CHRNA4: variants seen among roughly 807,000 people sequenced by gnomAD.
The protein encoded by CHRNA4 is cholinergic receptor nicotinic alpha 4 subunit, also known as neuronal acetylcholine receptor subunit alpha-4.
A neutral mutation model predicts 48.9 loss-of-function variants in CHRNA4; 28 were observed. That is an observed-to-expected ratio of 0.57 (90% CI 0.42 to 0.79). The LOEUF is 0.79. CHRNA4 is among the 30% of genes least tolerant of loss of function. The probability of loss-of-function intolerance (pLI) is 0.00; values close to 1 mark genes in which losing one functional copy is unlikely to be tolerated. For synonymous variants in CHRNA4, 425 were observed against 402.3 expected (o/e 1.06, Z -0.68); for missense variants, 859 against 898.4 (o/e 0.96, Z 0.56).
At chr20:63,358,943 C>T (rs1406821200) in intron 2 of CHRNA4, among the ~76,000 whole-genome samples, 1 of 64 alleles carries the variant, frequency 0.016, no homozygotes, top group African/African-American at 0.071. Flanking sequence ...CTCCTGGTTC[C>T]TATCCTGCCT....
chr20:63,352,240 TC>T (rs1179539207), intron 4 of CHRNA4, among the ~76,000 whole-genome samples: 1 of 152,128 alleles, frequency 6.6e-6, no homozygotes, highest in East Asian at 1.9e-4. Flanking sequence ...TCCCTGAGCT[TC>T]CTCTGTGCCT....
At chr20:63,348,698 G>A (rs963540726) in intron 5 of CHRNA4, among the ~76,000 whole-genome samples, 28 of 152,322 alleles carry the variant, frequency 1.8e-4, no homozygotes, top group Admixed American at 4.6e-4. Context: ...CGCTGTGGAC[G>A]TCATGGGCTG....
In CHRNA4 at chr20:63,359,779, C is replaced by T. The variant is rs1031179995; in HGVS notation, c.77-80G>A. ...CTGTCCAGGAGCTCTCCAGGCTGCC[C>T]CAGCCCCCTGCCCAGCACGTCCACT... On this transcript the variant is annotated intron_variant, in intron 1 of 5. Coordinates refer to ENST00000370263, the MANE Select transcript of CHRNA4 (RefSeq NM_000744.7). 128 of 1,537,726 alleles carry T rather than the reference C, an allele frequency of 8.3e-5. No individual in the cohort carries two copies. The Middle Eastern group carries it at 1.4e-3, about 17-fold the overall frequency.
At chr20:63,360,084 C>T (rs1302251483) in intron 1 of CHRNA4, 3 of 311,426 alleles carry the variant, frequency 9.6e-6, no homozygotes, top group Non-Finnish European at 1.9e-5. Context: ...GCGGATGGGC[C>T]GAGGACTGCT....
chr20:63,346,762 C>T lies in CHRNA4; in HGVS notation c.1860G>A (p.Pro620=), dbSNP rs202203317. 1.8e-5 allele frequency: 29 copies of T among 1,611,158 alleles called. No individual in the cohort carries two copies. The highest frequency in any genetic ancestry group is 4.0e-5 in the African/African-American group (3 of 75,022). The change falls in exon 6 of 6, where the codon CCG becomes CCA. Residue 620 remains proline, a synonymous_variant. Coordinates refer to ENST00000370263, the MANE Select transcript of CHRNA4 (RefSeq NM_000744.7). ...CLLGTVGLFL[P]PWLAGMI The stretch of plus-strand genomic sequence containing the variant: ...CCTAGATCATGCCAGCCAGCCAGGG[C>T]GGCAGGAAGAGGCCCACCGTCCCCA...
At position 63,346,173 on chromosome 20, in the gene CHRNA4, T is replaced by A. The variant is rs924685971; in HGVS notation, c.*565A>T. The A allele has an allele frequency of 4.4e-6, 2 of 454,084 alleles. No homozygotes were observed. Among genetic ancestry groups the A allele is most frequent in the Middle Eastern group, 1.4e-3 (2 of 1,466 alleles). 28.1% of individuals were successfully genotyped at this position (454,084 alleles called of 1,614,324 possible). On this transcript the variant is annotated 3_prime_UTR_variant, in exon 6 of 6. Coordinates refer to ENST00000370263, the MANE Select transcript of CHRNA4 (RefSeq NM_000744.7). ...AACACAACCAAACACAATCCCTGCC[T>A]GGACCCTCTCCTAGCGAAGCAGATT...
Position 63,346,916 on chromosome 20 carries a change from A to T in CHRNA4, c.1759-53T>A, listed in dbSNP as rs1041070823. On this transcript the variant is annotated intron_variant, in intron 5 of 5. Coordinates refer to ENST00000370263, the MANE Select transcript of CHRNA4 (RefSeq NM_000744.7). ...CACGGCCCGGCCGCCGCCAGCGGGG[A>T]CAGCCCTCAGGACCCCGGCGCCGCC... 1.6e-5 allele frequency: 25 copies of T among 1,609,616 alleles called. No individual in the cohort carries two copies. The African/African-American group carries it at 3.2e-4, about 21-fold the overall frequency.
chr20:63,359,912 TGTGTGTGTG>T, intron 1 of CHRNA4: 1 of 519,048 alleles, frequency 1.9e-6, no homozygotes. Context: ...TGTGTGTGTG[TGTGTGTGTG>T]TGTGTGTGCC....
Position 63,357,986 on chromosome 20 carries a change from G to C in CHRNA4, c.228+1562C>G, listed in dbSNP as rs45563841. Among the ~76,000 whole-genome samples the C allele has an allele frequency of 2.0e-5, 3 of 152,296 alleles. No homozygotes were observed. The East Asian group carries it at 5.8e-4, about 29-fold the overall frequency. On this transcript the variant is annotated intron_variant, in intron 2 of 5. Coordinates refer to ENST00000370263, the MANE Select transcript of CHRNA4 (RefSeq NM_000744.7). Reference sequence around the variant, plus strand: ...GAGAAGCTCAGGTAGGCAGCCAGGTGGGGGGTGGCAGACCCAGAGCCTTGG... The same window carrying C: ...GAGAAGCTCAGGTAGGCAGCCAGGTCGGGGGTGGCAGACCCAGAGCCTTGG...
intron 1 of CHRNA4, among the ~76,000 whole-genome samples, chr20:63,360,682 G>A (rs1301563200): frequency 1.3e-5 from 2 of 152,202 alleles, no homozygotes; most frequent in Admixed American, 1.3e-4. Context: ...GGTGGCGGCC[G>A]CCAAGGGCAG....
chr20:63,359,379 G>T lies in CHRNA4; in HGVS notation c.228+169C>A, dbSNP rs45539234. 18,012 of 830,180 alleles carry T rather than the reference G, an allele frequency of 0.022. 269 individuals carry two copies. Among genetic ancestry groups the T allele is most frequent in the Non-Finnish European group, 0.026 (13,596 of 514,110 alleles). The allele number at this position is 830,180 out of a possible 1,614,324, so 51.4% of individuals were successfully genotyped here. A position where few individuals can be genotyped will look rare whatever the true frequency, so the allele number is the denominator to read the frequency against. On this transcript the variant is annotated intron_variant, in intron 2 of 5. Coordinates refer to ENST00000370263, the MANE Select transcript of CHRNA4 (RefSeq NM_000744.7). ...ACGCTCTGAATCAACCCTTGGCTGG[G>T]GCTCAGGCGGGGCAGAGCTGGTGGC...
chr20:63,346,911 C>A (rs762379814), intron 5 of CHRNA4, 48 bp from the exon 6 acceptor site: 1 of 1,609,930 alleles, frequency 6.2e-7, no homozygotes, highest in East Asian at 2.2e-5. Context: ...CCGCCGCCAG[C>A]GGGGACAGCC....
At position 63,349,741 on chromosome 20, in the gene CHRNA4, T is replaced by C; in HGVS notation, c.1670A>G (p.His557Arg). 6.2e-7 allele frequency: 1 copy of C among 1,612,444 alleles called. No homozygotes were observed. Among genetic ancestry groups the C allele is most frequent in the Non-Finnish European group, 8.5e-7 (1 of 1,179,706 alleles). ...GGTCAGGGCCGGCGACAGGGGCAGG[T>C]GCGGGGGCGGCGCTTTGGTGCTGCG... ...KTRSTKAPPP[H>R]LPLSPALTRA... The change falls in exon 5 of 6, where the codon CAC (histidine) becomes CGC (arginine). Residue 557 changes from histidine to arginine, a missense_variant. Physicochemically the swap from His to Arg is conservative, Grantham distance 29. This residue lies in a region of CHRNA4 where 478 missense variants were observed against 455.4 expected (regional missense o/e 1.05). Transcript: ENST00000370263.
At chr20:63,352,678 C>T (rs528669192) in intron 4 of CHRNA4, among the ~76,000 whole-genome samples, 4 of 152,326 alleles carry the variant, frequency 2.6e-5, no homozygotes, top group African/African-American at 4.8e-5. Context: ...ATATGGCAAG[C>T]GGGTGACTAC....
chr20:63,359,898 T>G (rs1462248280), intron 1 of CHRNA4, 199 bp from the exon 2 acceptor site: 1 of 257,652 alleles, frequency 3.9e-6, no homozygotes, highest in African/African-American at 1.1e-4. Flanking sequence ...GGGCGTGTGC[T>G]GTGTGTGTGT....
At chr20:63,354,743 T>C in intron 4 of CHRNA4, 1 of 663,348 alleles carries the variant, frequency 1.5e-6, no homozygotes, top group Middle Eastern at 7.8e-4. Flanking sequence ...TCCTGGGCGT[T>C]TCCACTTCTC....
chr20:63,349,701 G>A lies in CHRNA4; in HGVS notation c.1710C>T (p.Gly570=), dbSNP rs1259026322. 1.4e-5 allele frequency: 23 copies of A among 1,612,714 alleles called. No individual in the cohort carries two copies. Among genetic ancestry groups the A allele is most frequent in the South Asian group, 1.1e-4 (10 of 91,084 alleles). Residue 570 remains glycine (G), a synonymous_variant, in exon 5 of 6, where the codon GGC becomes GGT. Transcript: ENST00000370263. ...TCAGGTGGTCTGCAATGTACTGGAC[G>A]CCCTCCACCGCCCGGGTCAGGGCCG... ...LSPALTRAVE[G]VQYIADHLKA...
At position 63,346,633 on chromosome 20, in the gene CHRNA4, T is replaced by C. The variant is rs2068499112; in HGVS notation, c.*105A>G. 3 of 1,495,500 alleles carry C rather than the reference T, an allele frequency of 2.0e-6. No individual in the cohort carries two copies. The highest frequency in any genetic ancestry group is 1.4e-5 in the African/African-American group (1 of 72,214). 92.6% of individuals were successfully genotyped at this position (1,495,500 alleles called of 1,614,324 possible). A position where few individuals can be genotyped will look rare whatever the true frequency, so the allele number is the denominator to read the frequency against. On this transcript the variant is annotated 3_prime_UTR_variant, in exon 6 of 6. Coordinates refer to ENST00000370263, the MANE Select transcript of CHRNA4 (RefSeq NM_000744.7). ...CAGGAAGGAAAATTTGGCAAACGTG[T>C]GGCCCCACAGAGTCCAGGGAGAAGC...
Position 63,343,337 on chromosome 20 carries a change from C to T in CHRNA4, c.*3401G>A, listed in dbSNP as rs201360225. On this transcript the variant is annotated 3_prime_UTR_variant, in exon 6 of 6. Coordinates refer to ENST00000370263, the MANE Select transcript of CHRNA4 (RefSeq NM_000744.7). Reference sequence around the variant, plus strand: ...GGCCGCACCTGGGCTCGGCGGGCCACACGGTCGGCGGGGCTTGGTCCATGG... The same window carrying T: ...GGCCGCACCTGGGCTCGGCGGGCCATACGGTCGGCGGGGCTTGGTCCATGG... 2 of 451,236 alleles carry T rather than the reference C, an allele frequency of 4.4e-6. No homozygotes were observed. The highest frequency in any genetic ancestry group is 8.9e-6 in the Non-Finnish European group (2 of 224,484). The allele number at this position is 451,236 out of a possible 1,614,324, so 28.0% of individuals were successfully genotyped here.
Sources: allele counts gnomAD v4.1 joint callset (sites outside exome capture counted in the v4.1 genomes callset), GRCh38; gene constraint gnomAD v4.1.1; regional missense constraint gnomAD v4.1.1; transcripts MANE v1.5; gene names NCBI Gene and HGNC (gene_info 2026-07-23, HGNC 2026-07-21).